Variants in NUMB observed in about 807,000 individuals in gnomAD.
The protein encoded by NUMB is protein numb homolog.
A neutral mutation model predicts 59.7 loss-of-function variants in NUMB; 29 were observed. The ratio of observed to expected loss-of-function variants is 0.49; its 90% CI spans 0.36 to 0.66. The LOEUF is 0.66. Ranked by LOEUF, NUMB falls within the 30% of genes least tolerant of loss-of-function variation. The pLI is 0.00. For missense variants in NUMB, 723 were observed against 822.0 expected, an observed-to-expected ratio of 0.88 and a Z score of 1.47; for synonymous variants, 288 against 288.2, an observed-to-expected ratio of 1.00 and a Z score of 0.01.
intron 1 of NUMB, among the ~76,000 whole-genome samples, chr14:73,423,989 G>C (rs890184690): frequency 1.3e-4 from 15 of 118,262 alleles, no homozygotes. Flanking sequence ...AAAAAAAAAA[G>C]ACTCTTGATC....
intron 4 of NUMB, among the ~76,000 whole-genome samples, chr14:73,338,577 C>T (rs1892472894): frequency 6.6e-6 from 1 of 152,222 alleles, no homozygotes; most frequent in Non-Finnish European, 1.5e-5. Context: ...AATCCCACTC[C>T]TCTGTTTAAA....
In NUMB at chr14:73,381,622, A is replaced by G. The variant is rs186389516; in HGVS notation, c.-100-14641T>C. On this transcript the variant is annotated intron_variant, in intron 2 of 12. Transcript: ENST00000555238. ...CACTCTAACTAAGCCAGCTACCACT[A>G]TAAGAAGTTCATAACACTCTGTACA... Among the ~76,000 whole-genome samples the G allele has an allele frequency of 9.7e-4, 148 of 152,314 alleles. 3 individuals are homozygous for G. Among genetic ancestry groups the G allele is most frequent in the East Asian group, 3.7e-3 (19 of 5,186 alleles).
At chr14:73,338,860 G>C (rs992397949) in intron 4 of NUMB, among the ~76,000 whole-genome samples, 1 of 152,126 alleles carries the variant, frequency 6.6e-6, no homozygotes, top group Admixed American at 6.6e-5. Flanking sequence ...TTTTAGATTA[G>C]ATGTAACTCC....
Position 73,276,830 on chromosome 14 carries a change from G to C in NUMB, c.1704C>G (p.Ser568Arg). ...TAAAGAAGGGACTGGTGGTAGCACT[G>C]CTTGCCTCGTAGTGAGGGAATGTCT... ...RQQTFPHYEA[S>R]SATTSPFFKP... Residue 568 changes from serine (S) to arginine (R), a missense_variant, in exon 13 of 13, where the codon AGC becomes AGG. Ser to Arg is a moderately radical substitution (Grantham distance 110). Around this residue, in one of 2 missense-constraint regions of NUMB, gnomAD observed 406 missense variants for 385.4 expected, o/e 1.05. Transcript: ENST00000555238. 1 of 1,614,166 alleles carries C rather than the reference G, an allele frequency of 6.2e-7. No individual in the cohort carries two copies. The highest frequency in any genetic ancestry group is 8.5e-7 in the Non-Finnish European group (1 of 1,180,028).
intron 6 of NUMB, among the ~76,000 whole-genome samples, chr14:73,305,137 A>G (rs1019857614): frequency 2.0e-5 from 3 of 152,168 alleles, no homozygotes; most frequent in Non-Finnish European, 2.9e-5. Context: ...ACAACAAAAT[A>G]TTTTAGGCTT....
At chr14:73,440,291 A>G (rs923890153) in intron 1 of NUMB, among the ~76,000 whole-genome samples, 3 of 151,648 alleles carry the variant, frequency 2.0e-5, no homozygotes, top group African/African-American at 7.3e-5. Flanking sequence ...ACACATCCAT[A>G]TATCTATAGA....
intron 6 of NUMB, among the ~76,000 whole-genome samples, chr14:73,313,668 G>GGAA (rs35073819): frequency 8.1e-6 from 1 of 124,120 alleles, no homozygotes; most frequent in African/African-American, 3.2e-5. Context: ...TCCAAAATCT[G>GGAA]AAAAAAAAAA....
intron 1 of NUMB, among the ~76,000 whole-genome samples, chr14:73,423,778 C>A (rs1463177005): frequency 6.6e-6 from 1 of 151,984 alleles, no homozygotes; most frequent in Non-Finnish European, 1.5e-5. Flanking sequence ...CCACTGCACT[C>A]CAGCCTGGGC....
intron 4 of NUMB, among the ~76,000 whole-genome samples, chr14:73,350,720 G>A (rs1194172897): frequency 6.7e-6 from 1 of 148,770 alleles, no homozygotes; most frequent in African/African-American, 2.5e-5. Flanking sequence ...GTAGAGATGG[G>A]GTCTCACCAT....
chr14:73,428,693 G>A (rs532386722), intron 1 of NUMB, among the ~76,000 whole-genome samples: 104 of 152,152 alleles, frequency 6.8e-4, no homozygotes, highest in Non-Finnish European at 1.2e-3. Context: ...AGGAGCCTGC[G>A]GCAGGAGTTC....
Position 73,277,025 on chromosome 14 carries a change from T to C in NUMB, c.1509A>G (p.Pro503=), listed in dbSNP as rs754617686. The change falls in exon 13 of 13, where the codon CCA becomes CCG. Residue 503 remains proline, a synonymous_variant. Transcript: ENST00000555238. ...GATAGGACTGGGCAGGGACAAAGGCTGGTTGCAGGGCTGGGACCACACCCA... is the reference window on the plus strand; with the variant it reads ...GATAGGACTGGGCAGGGACAAAGGCCGGTTGCAGGGCTGGGACCACACCCA... ...VPVGVVPALQ[P]AFVPAQSYPV... is the part of the protein sequence containing the mutation. 1.4e-5 allele frequency: 23 copies of C among 1,613,926 alleles called. No individual in the cohort carries two copies. The Middle Eastern group carries it at 4.9e-4, about 35-fold the overall frequency.
chr14:73,321,071 A>C (rs1205083115), intron 5 of NUMB, among the ~76,000 whole-genome samples: 3 of 152,240 alleles, frequency 2.0e-5, no homozygotes, highest in East Asian at 1.9e-4. Context: ...TCAAAAAAAA[A>C]CAAAGCTAGA....
chr14:73,389,961 AC>A (rs1566775551), intron 2 of NUMB, among the ~76,000 whole-genome samples: 1 of 152,214 alleles, frequency 6.6e-6, no homozygotes, highest in African/African-American at 2.4e-5. Context: ...AATGAAATAT[AC>A]CAAAAAACAT....
intron 3 of NUMB, among the ~76,000 whole-genome samples, chr14:73,357,678 G>A (rs573202116): frequency 8.6e-5 from 13 of 151,972 alleles, no homozygotes; most frequent in South Asian, 2.1e-4. Flanking sequence ...CAGAAGAATC[G>A]CTTGAACCCG....
intron 6 of NUMB, chr14:73,298,638 G>C (rs1203451491): frequency 6.6e-6 from 1 of 152,136 alleles, no homozygotes; most frequent in Non-Finnish European, 1.5e-5. Context: ...ATCATAAAAA[G>C]TATAGATCAA....
chr14:73,405,074 G>C (rs1236531926), intron 2 of NUMB, among the ~76,000 whole-genome samples: 1 of 152,104 alleles, frequency 6.6e-6, no homozygotes, highest in East Asian at 1.9e-4. Context: ...AGTTAAAAAT[G>C]TTGGGAAGAT....
rs1893742370 is a variant in NUMB, at chr14:73,355,614, A to G, written c.126+12T>C. 1 of 1,608,756 alleles carries G rather than the reference A, an allele frequency of 6.2e-7. No homozygotes were observed. Among genetic ancestry groups the G allele is most frequent in the South Asian group, 1.1e-5 (1 of 89,918 alleles). On this transcript the variant is annotated intron_variant, in intron 4 of 12. Coordinates refer to ENST00000555238, the MANE Select transcript of NUMB (RefSeq NM_001005743.2). ...TTTCCACATACAGACTTATAGAAAC[A>G]TCAGCTCTTACCTTAACCGGGAAGC...
intron 1 of NUMB, among the ~76,000 whole-genome samples, chr14:73,444,586 A>G (rs569953395): frequency 1.0e-3 from 155 of 152,252 alleles, no homozygotes; most frequent in Non-Finnish European, 1.6e-3. Flanking sequence ...CTATATATAC[A>G]TACATACATA....
chr14:73,425,339 T>C (rs767235115), intron 1 of NUMB, among the ~76,000 whole-genome samples: 8 of 152,152 alleles, frequency 5.3e-5, no homozygotes, highest in Non-Finnish European at 1.0e-4. Flanking sequence ...GTACCTAGGA[T>C]ATAGATTAAG....
Sources: allele counts gnomAD v4.1 joint callset (sites outside exome capture counted in the v4.1 genomes callset), GRCh38; gene constraint gnomAD v4.1.1; regional missense constraint gnomAD v4.1.1; transcripts MANE v1.5; gene names NCBI Gene and HGNC (gene_info 2026-07-23, HGNC 2026-07-21).